TRPM3: variants seen among roughly 807,000 people sequenced by gnomAD.
TRPM3 encodes transient receptor potential cation channel subfamily M member 3.
A neutral mutation model predicts 181.2 loss-of-function variants in TRPM3; 77 were observed. That is an observed-to-expected ratio of 0.42 (90% CI 0.35 to 0.51). The LOEUF is 0.51. Ranked by LOEUF, TRPM3 falls within the 20% of genes least tolerant of loss-of-function variation. The pLI is 0.01. For missense variants in TRPM3, 1,759 were observed against 2,196.7 expected (o/e 0.80, Z 3.98); for synonymous variants, 745 against 796.4 (o/e 0.94, Z 1.09).
At chr9:71,025,737 T>C (rs530789110) in intron 1 of TRPM3, among the ~76,000 whole-genome samples, 1 of 152,202 alleles carries the variant, frequency 6.6e-6, no homozygotes, top group East Asian at 1.9e-4. Context: ...TAGAGAGCAG[T>C]CTTCAGCCTG....
chr9:70,622,652 A>G (rs2063795088), intron 14 of TRPM3, among the ~76,000 whole-genome samples: 1 of 152,212 alleles, frequency 6.6e-6, no homozygotes, highest in African/African-American at 2.4e-5. Context: ...ACAGACCCTG[A>G]TCTATATTTA....
chr9:70,955,708 C>T (rs529930910), intron 1 of TRPM3, among the ~76,000 whole-genome samples: 4 of 152,124 alleles, frequency 2.6e-5, no homozygotes, highest in African/African-American at 9.7e-5. Flanking sequence ...ATAGCAACTG[C>T]CTGCTTATAA....
At chr9:70,939,372 C>T (rs1394618777) in intron 1 of TRPM3, among the ~76,000 whole-genome samples, 3 of 152,192 alleles carry the variant, frequency 2.0e-5, no homozygotes, top group African/African-American at 7.2e-5. Flanking sequence ...AGTATTTTCT[C>T]CCTTTTTCTC....
chr9:70,658,609 C>T (rs951784300), intron 9 of TRPM3, among the ~76,000 whole-genome samples: 1 of 152,012 alleles, frequency 6.6e-6, no homozygotes, highest in Non-Finnish European at 1.5e-5. Flanking sequence ...TTGTATACTA[C>T]AGAGGTAACA....
At chr9:70,663,325 G>T (rs1564754196) in intron 9 of TRPM3, among the ~76,000 whole-genome samples, 2 of 152,030 alleles carry the variant, frequency 1.3e-5, no homozygotes, top group Non-Finnish European at 2.9e-5. Flanking sequence ...TAAAATCTCA[G>T]AAATCAACAC....
intron 22 of TRPM3, among the ~76,000 whole-genome samples, chr9:70,579,658 G>A (rs112621864): frequency 5.9e-5 from 9 of 152,154 alleles, no homozygotes; most frequent in Admixed American, 3.9e-4. Context: ...GCCCGTGCCC[G>A]CAGACTGAAC....
At chr9:70,692,221 T>C (rs1308928894) in intron 8 of TRPM3, among the ~76,000 whole-genome samples, 1 of 152,246 alleles carries the variant, frequency 6.6e-6, no homozygotes, top group Non-Finnish European at 1.5e-5. Context: ...TAATTTTTAA[T>C]GTTTGCAGAG....
At chr9:70,564,840 T>C (rs2050137739) in intron 22 of TRPM3, among the ~76,000 whole-genome samples, 1 of 152,238 alleles carries the variant, frequency 6.6e-6, no homozygotes, top group Non-Finnish European at 1.5e-5. Flanking sequence ...GGAATGCGTA[T>C]ATAAGCAAAT....
chr9:71,050,622 CACTTTTAGAAGTGTT>C (rs1330161219), intron 1 of TRPM3, among the ~76,000 whole-genome samples: 1 of 152,138 alleles, frequency 6.6e-6, no homozygotes, highest in East Asian at 1.9e-4. Context: ...CTAGAAGTGT[CACTTTTAGAAGTGTT>C]ACTTTCCTTA....
chr9:70,992,935 G>T (rs1377284855), intron 1 of TRPM3, among the ~76,000 whole-genome samples: 1 of 152,184 alleles, frequency 6.6e-6, no homozygotes, highest in African/African-American at 2.4e-5. Flanking sequence ...TTGAGTATCA[G>T]AAACATTCTG....
chr9:70,859,219 G>A (rs576239204), intron 3 of TRPM3, among the ~76,000 whole-genome samples: 1 of 152,220 alleles, frequency 6.6e-6, no homozygotes, highest in East Asian at 1.9e-4. Context: ...GTATATAGCT[G>A]ACCTTGTTTA....
chr9:70,640,472 G>C, intron 10 of TRPM3, 88 bp downstream of exon 10: 1 of 997,136 alleles, frequency 1.0e-6, no homozygotes, highest in Non-Finnish European at 1.5e-6. Context: ...AAAAGCAATC[G>C]TTTTCTGAGC....
intron 25 of TRPM3, among the ~76,000 whole-genome samples, chr9:70,546,085 G>T (rs1789542799): frequency 6.6e-6 from 1 of 152,110 alleles, no homozygotes; most frequent in African/African-American, 2.4e-5. Flanking sequence ...CAACTGCTTT[G>T]GGTACAAGCA....
chr9:70,947,484 T>C (rs1010391547), intron 1 of TRPM3, among the ~76,000 whole-genome samples: 2 of 152,208 alleles, frequency 1.3e-5, no homozygotes, highest in Non-Finnish European at 2.9e-5. Context: ...ATTCACTTTT[T>C]TTTCCTTTTG....
At chr9:71,226,539 C>A (rs1351765628) in intron 1 of TRPM3, among the ~76,000 whole-genome samples, 1 of 151,830 alleles carries the variant, frequency 6.6e-6, no homozygotes, top group Non-Finnish European at 1.5e-5. Context: ...ATACTTATAT[C>A]AGACAAAAAT....
intron 1 of TRPM3, among the ~76,000 whole-genome samples, chr9:71,424,319 A>G (rs906474520): frequency 1.3e-5 from 2 of 152,084 alleles, no homozygotes; most frequent in African/African-American, 4.8e-5. Context: ...ACCAACTTTT[A>G]AAAACAGATT....
At chr9:70,776,567 A>C (rs2081404590) in intron 7 of TRPM3, 2 of 629,170 alleles carry the variant, frequency 3.2e-6, no homozygotes. Flanking sequence ...AAATAAAAAT[A>C]CTAAGCAATA....
intron 3 of TRPM3, 55 bp downstream of exon 3, chr9:70,862,853 C>T (rs1262818830): frequency 1.6e-5 from 25 of 1,574,196 alleles, no homozygotes; most frequent in African/African-American, 5.4e-5. Flanking sequence ...CACCCCTTTG[C>T]AGGACTTGAG....
At chr9:70,957,885 AAAACAAAC>A (rs544753950) in intron 1 of TRPM3, among the ~76,000 whole-genome samples, 7 of 152,200 alleles carry the variant, frequency 4.6e-5, no homozygotes, top group Admixed American at 1.3e-4. Flanking sequence ...GATGTTATGT[AAAACAAAC>A]AAACAAACAA....
Sources: gnomAD v4.1 joint callset for allele counts (sites outside exome capture counted in the v4.1 genomes callset) on GRCh38, gnomAD v4.1.1 for gene constraint, MANE v1.5 for transcripts, NCBI Gene and HGNC (gene_info 2026-07-23, HGNC 2026-07-21) for gene names.